P3H2: variants seen among roughly 807,000 people sequenced by gnomAD.
P3H2 encodes leprecan-like 1.
P3H2 carries 80 observed loss-of-function variants against 87.0 expected under a neutral mutation model. The observed-to-expected ratio is 0.92, with a 90% CI of 0.77 to 1.11. The LOEUF is 1.11. Ranked by LOEUF, P3H2 falls within the 50% of genes least tolerant of loss-of-function variation. The pLI, the probability that P3H2 is intolerant of heterozygous loss-of-function variation, is 0.00. For synonymous variants in P3H2, 367 were observed against 359.3 expected (o/e 1.02, Z -0.24); for missense variants, 1,001 against 923.9 (o/e 1.08, Z -1.08).
intron 1 of P3H2, among the ~76,000 whole-genome samples, chr3:190,114,623 G>A (rs971681147): frequency 3.9e-5 from 6 of 152,098 alleles, no homozygotes; most frequent in Non-Finnish European, 7.3e-5. Flanking sequence ...CTTAGCACAC[G>A]GGACCTAAAA....
At chr3:190,060,398 C>T (rs967682066) in intron 1 of P3H2, among the ~76,000 whole-genome samples, 2 of 152,084 alleles carry the variant, frequency 1.3e-5, no homozygotes, top group Non-Finnish European at 2.9e-5. Flanking sequence ...TCACAAAATC[C>T]GTTCAAGTTC....
intron 1 of P3H2, among the ~76,000 whole-genome samples, chr3:190,034,853 C>T (rs10530165): frequency 8.6e-5 from 12 of 140,288 alleles, no homozygotes; most frequent in Admixed American, 7.1e-5. Flanking sequence ...CTTTTCTTTT[C>T]TTTTTTTTTT....
intron 1 of P3H2, among the ~76,000 whole-genome samples, chr3:190,092,508 T>G (rs143480322): frequency 6.6e-5 from 10 of 152,298 alleles, no homozygotes; most frequent in African/African-American, 2.4e-4. Flanking sequence ...ACATCTTGCT[T>G]ACATGGCTAT....
rs200957065 is a variant in P3H2, at chr3:189,966,102, GAAAAAAGAAAGAAAGAAAGAA to G, written c.1894-2025_1894-2005del. Among the ~76,000 whole-genome samples, 95 of 106,310 alleles carry G rather than the reference GAAAAAAGAAAGAAAGAAAGAA, an allele frequency of 8.9e-4. 5 individuals are homozygous for G. Among genetic ancestry groups the G allele is most frequent in the East Asian group, 6.0e-3 (14 of 2,316 alleles). 69.7% of individuals were successfully genotyped at this position (106,310 alleles called of 152,430 possible). A position where few individuals can be genotyped will look rare whatever the true frequency, so the allele number is the denominator to read the frequency against. ...AGAAAGGAAGAAAGAAAGAAAGAAA[GAAAAAAGAAAGAAAGAAAGAA>G]AAAGAAAGAAAGAAAGAAAGAAAGA... On this transcript the variant is annotated intron_variant, in intron 13 of 14. Coordinates refer to ENST00000319332, the MANE Select transcript of P3H2 (RefSeq NM_018192.4).
At position 190,120,322 on chromosome 3, in the gene P3H2, A is replaced by G. The variant is rs1245178339; in HGVS notation, c.410T>C (p.Val137Ala). 1 of 1,604,330 alleles carries G rather than the reference A, an allele frequency of 6.2e-7. No individual in the cohort carries two copies. The highest frequency in any genetic ancestry group is 2.2e-5 in the East Asian group (1 of 44,594). Residue 137 changes from valine (V) to alanine (A), a missense_variant, in exon 1 of 15, where the codon GTC becomes GCC. By Grantham distance (64) the Val-to-Ala change is moderately conservative (BLOSUM62 0). Transcript: ENST00000319332. ...GAAGTCGCTGCGCACATCCTCGCTGACGCGGTGGCGGGATGCGGGGCCCCC... is the reference window on the plus strand; with the variant it reads ...GAAGTCGCTGCGCACATCCTCGCTGGCGCGGTGGCGGGATGCGGGGCCCCC... ...RLGGPASRHR[V>A]SEDVRSDFQR...
At chr3:190,060,361 C>T (rs553936454) in intron 1 of P3H2, among the ~76,000 whole-genome samples, 89 of 152,178 alleles carry the variant, frequency 5.8e-4, no homozygotes, top group South Asian at 8.3e-4. Context: ...CATCCAAGTC[C>T]GCCAATTTTC....
In P3H2 at chr3:189,987,583, A is replaced by C; in HGVS notation, c.1042T>G (p.Tyr348Asp). ...DDEDVLDNVD[Y>D]YESLLDDSID... is the part of the protein sequence containing the mutation. ...CTATCATCCAGCAGACTCTCATAGT[A>C]ATCCACATTGTCTAGGACATCCTCA... is the stretch of plus-strand genomic sequence containing the variant. The change falls in exon 5 of 15, where the codon TAC becomes GAC. Residue 348 changes from tyrosine to aspartate, a missense_variant. Transcript: ENST00000319332. 6.2e-7 allele frequency: 1 copy of C among 1,614,178 alleles called. No homozygotes were observed. Among genetic ancestry groups the C allele is most frequent in the Non-Finnish European group, 8.5e-7 (1 of 1,180,022 alleles).
chr3:190,027,992 G>C (rs1725136219), intron 1 of P3H2, among the ~76,000 whole-genome samples: 2 of 151,522 alleles, frequency 1.3e-5, no homozygotes, highest in Non-Finnish European at 2.9e-5. Context: ...TAAAGAACCA[G>C]GCTTCCACTA....
At chr3:189,980,814 G>C (rs1241387774) in intron 8 of P3H2, among the ~76,000 whole-genome samples, 1 of 152,148 alleles carries the variant, frequency 6.6e-6, no homozygotes, top group Non-Finnish European at 1.5e-5. Flanking sequence ...TCACACTTAA[G>C]TTTATGCTGA....
intron 1 of P3H2, among the ~76,000 whole-genome samples, chr3:190,108,569 A>G (rs1711942783): frequency 6.6e-6 from 1 of 152,202 alleles, no homozygotes; most frequent in Admixed American, 6.5e-5. Flanking sequence ...TTTTTGATAC[A>G]AAACATCTCT....
At chr3:190,107,588 T>G (rs1711898127) in intron 1 of P3H2, among the ~76,000 whole-genome samples, 2 of 152,174 alleles carry the variant, frequency 1.3e-5, no homozygotes, top group Admixed American at 1.3e-4. Context: ...GGTGAACAAT[T>G]TGGAGAACTG....
chr3:189,966,420 A>G (rs1723010120), intron 13 of P3H2, among the ~76,000 whole-genome samples: 1 of 152,232 alleles, frequency 6.6e-6, no homozygotes, highest in African/African-American at 2.4e-5. Context: ...ACTTTGGGAA[A>G]GTTTAGGAAA....
In P3H2 at chr3:190,120,649, T is replaced by C; in HGVS notation, c.83A>G (p.Asp28Gly). The change falls in exon 1 of 15, where the codon GAC becomes GGC. Residue 28 changes from aspartate to glycine, a missense_variant. Transcript: ENST00000319332. Reference protein sequence around the residue: ...LPPPLWGGPPDSPRRELELEP... With the variant: ...LPPPLWGGPPGSPRRELELEP... ...CAGCTCCAGCTCCCGGCGTGGGCTG[T>C]CCGGGGGGCCGCCCCACAGTGGCGG... The C allele has an allele frequency of 6.5e-7, 1 of 1,527,124 alleles. No homozygotes were observed. Among genetic ancestry groups the C allele is most frequent in the Non-Finnish European group, 8.7e-7 (1 of 1,144,488 alleles). 94.6% of individuals were successfully genotyped at this position (1,527,124 alleles called of 1,614,324 possible).
intron 1 of P3H2, among the ~76,000 whole-genome samples, chr3:190,017,380 A>G (rs1263510677): frequency 3.3e-5 from 5 of 152,178 alleles, no homozygotes. Flanking sequence ...TTTGGGAATC[A>G]TCCCCCAAAA....
chr3:190,047,084 A>T (rs767610849), intron 1 of P3H2, among the ~76,000 whole-genome samples: 19 of 152,352 alleles, frequency 1.2e-4, no homozygotes, highest in Middle Eastern at 3.4e-3. Context: ...TGGGCAAAAG[A>T]TCGGAATAGA....
intron 1 of P3H2, among the ~76,000 whole-genome samples, chr3:190,118,808 C>A (rs1446210309): frequency 6.6e-6 from 1 of 152,028 alleles, no homozygotes; most frequent in African/African-American, 2.4e-5. Context: ...CTTAGAAACA[C>A]AGCCTGGTCC....
chr3:189,995,311 G>A lies in P3H2; in HGVS notation c.612C>T (p.Asp204=), dbSNP rs34128856. The A allele has an allele frequency of 3.4e-3, 5,474 of 1,614,040 alleles. 155 individuals carry two copies. The African/African-American group carries it at 0.063, about 19-fold the overall frequency. ...TAGVEALQLV[D]REAKPHMESY... is the part of the protein sequence containing the mutation. The stretch of plus-strand genomic sequence containing the variant: ...TTACCATGTGTGGCTTGGCTTCTCT[G>A]TCTACCAACTGCAATGCTTCAACAC... Residue 204 remains aspartate, a synonymous_variant, in exon 2 of 15, where the codon GAC becomes GAT. Coordinates refer to ENST00000319332, the MANE Select transcript of P3H2 (RefSeq NM_018192.4).
At chr3:190,032,493 G>A (rs1439408524) in intron 1 of P3H2, among the ~76,000 whole-genome samples, 2 of 152,108 alleles carry the variant, frequency 1.3e-5, no homozygotes, top group Non-Finnish European at 2.9e-5. Context: ...AGAGAAGGAT[G>A]AGAAAGAGGA....
At chr3:190,065,542 T>C (rs1488768514) in intron 1 of P3H2, among the ~76,000 whole-genome samples, 4 of 152,252 alleles carry the variant, frequency 2.6e-5, no homozygotes, top group Admixed American at 6.5e-5. Flanking sequence ...AGTAACGACA[T>C]AGAGATTTTT....
Sources: allele counts gnomAD v4.1 joint callset (sites outside exome capture counted in the v4.1 genomes callset), GRCh38; gene constraint gnomAD v4.1.1; transcripts MANE v1.5; gene names NCBI Gene and HGNC (gene_info 2026-07-23, HGNC 2026-07-21).